RBFOX1: variants seen among roughly 807,000 people sequenced by gnomAD.
The protein encoded by RBFOX1 is RNA binding fox-1 homolog 1.
In RBFOX1, 8 loss-of-function variants were observed where a neutral mutation model predicts 57.7. That is an observed-to-expected ratio of 0.14 (90% CI 0.08 to 0.25). The LOEUF (loss-of-function observed/expected upper bound fraction) is 0.25, where lower values mean the gene tolerates loss of function less well. Ranked by LOEUF, RBFOX1 falls within the 10% of genes least tolerant of loss-of-function variation. The pLI is 1.00. For synonymous variants in RBFOX1, 326 were observed against 222.4 expected, an observed-to-expected ratio of 1.47 and a Z score of -4.15; for missense variants, 611 against 548.5, an observed-to-expected ratio of 1.11 and a Z score of -1.14.
chr16:7,596,104 G>T (rs764710648), intron 8 of RBFOX1, among the ~76,000 whole-genome samples: 117 of 86,958 alleles, frequency 1.3e-3, no homozygotes, highest in South Asian at 2.2e-3. Flanking sequence ...GTTTTTTTTT[G>T]TTTGTTTGTT....
intron 4 of RBFOX1, among the ~76,000 whole-genome samples, chr16:7,197,900 A>C (rs1044355102): frequency 6.6e-6 from 1 of 152,154 alleles, no homozygotes; most frequent in African/African-American, 2.4e-5. Context: ...GGGGGTTGCC[A>C]AGGGAGCAGG....
intron 4 of RBFOX1, among the ~76,000 whole-genome samples, chr16:7,377,778 C>G (rs746239671): frequency 1.3e-5 from 2 of 152,158 alleles, no homozygotes; most frequent in Admixed American, 6.5e-5. Context: ...TGTCTCAGAA[C>G]TTAAATTTAG....
At chr16:5,615,289 C>A (rs927539892) in intron 3 of RBFOX1, among the ~76,000 whole-genome samples, 1 of 152,120 alleles carries the variant, frequency 6.6e-6, no homozygotes, top group African/African-American at 2.4e-5. Flanking sequence ...CCTTGGCCTC[C>A]CAAAGCACTG....
chr16:6,878,870 C>T (rs2062355425), intron 3 of RBFOX1, among the ~76,000 whole-genome samples: 2 of 139,680 alleles, frequency 1.4e-5, no homozygotes, highest in African/African-American at 2.8e-5. Context: ...AAATTAACAG[C>T]TAATCTTTGA....
At chr16:7,469,625 G>A (rs886339187) in intron 4 of RBFOX1, among the ~76,000 whole-genome samples, 5 of 152,098 alleles carry the variant, frequency 3.3e-5, no homozygotes, top group Admixed American at 6.5e-5. Context: ...CCCACACTCC[G>A]TTTCCTCTCT....
chr16:7,370,481 G>A (rs181635769), intron 4 of RBFOX1, among the ~76,000 whole-genome samples: 5 of 152,182 alleles, frequency 3.3e-5, no homozygotes, highest in East Asian at 1.9e-4. Flanking sequence ...TTTTATCAAC[G>A]CGGGTAAGTT....
chr16:6,996,008 A>T (rs1004305118), intron 3 of RBFOX1, among the ~76,000 whole-genome samples: 1 of 152,208 alleles, frequency 6.6e-6, no homozygotes, highest in Non-Finnish European at 1.5e-5. Flanking sequence ...ATAGCATACA[A>T]ATCTAAACTT....
In RBFOX1 at chr16:7,501,092, T is replaced by A. The variant is rs150934914; in HGVS notation, c.28-17055T>A. ...ACTGTGAGTCAACCTCTTTCCTTTA[T>A]AAATTACCCAGCCTCAGATATGTCT... On this transcript the variant is annotated intron_variant, in intron 4 of 15. Coordinates refer to ENST00000550418, the MANE Select transcript of RBFOX1 (RefSeq NM_018723.4). 1.6e-3 allele frequency among the ~76,000 whole-genome samples: 243 copies of A among 152,342 alleles called. 1 individual carries two copies. The highest frequency in any genetic ancestry group is 5.5e-3 in the African/African-American group (230 of 41,584).
rs74003850 is a variant in RBFOX1, at chr16:5,243,555, A to G, written c.219+3450A>G. Among the ~76,000 whole-genome samples, 652 of 152,274 alleles carry G rather than the reference A, an allele frequency of 4.3e-3. 6 individuals are homozygous for G. Among genetic ancestry groups the G allele is most frequent in the African/African-American group, 0.015 (618 of 41,550 alleles). On this transcript the variant is annotated intron_variant, in intron 1 of 2. Transcript: ENST00000585867. ...ATGGTTAGCGGCATCTGTGGTCTCC[A>G]TCCTCTAGGTGCCATTCCCCCCTCC...
At chr16:7,055,061 A>G (rs2051660605) in intron 4 of RBFOX1, among the ~76,000 whole-genome samples, 1 of 152,192 alleles carries the variant, frequency 6.6e-6, no homozygotes, top group South Asian at 2.1e-4. Flanking sequence ...GAAGTGCTTA[A>G]TATCTTGAAG....
intron 1 of RBFOX1, among the ~76,000 whole-genome samples, chr16:6,148,711 G>T (rs1259508140): frequency 2.0e-5 from 3 of 152,206 alleles, no homozygotes; most frequent in African/African-American, 7.2e-5. Flanking sequence ...AAGCTGGAGA[G>T]ATCCAGAGTA....
At chr16:6,500,789 A>G (rs1240011348) in intron 2 of RBFOX1, among the ~76,000 whole-genome samples, 1 of 151,840 alleles carries the variant, frequency 6.6e-6, no homozygotes, top group Non-Finnish European at 1.5e-5. Context: ...ACCAACTGTG[A>G]TATGTGTGCA....
chr16:5,459,201 C>T (rs1367255266), intron 1 of RBFOX1, among the ~76,000 whole-genome samples: 1 of 152,240 alleles, frequency 6.6e-6, no homozygotes, highest in Non-Finnish European at 1.5e-5. Context: ...TGTGGACATG[C>T]ATTGGCATGT....
intron 2 of RBFOX1, among the ~76,000 whole-genome samples, chr16:6,324,739 A>G (rs2082182757): frequency 6.6e-6 from 1 of 152,184 alleles, no homozygotes; most frequent in Non-Finnish European, 1.5e-5. Context: ...TCTATATCAA[A>G]TGGTCTTTAA....
chr16:7,361,214 G>A (rs1596432476), intron 4 of RBFOX1, among the ~76,000 whole-genome samples: 1 of 152,116 alleles, frequency 6.6e-6, no homozygotes, highest in African/African-American at 2.4e-5. Flanking sequence ...TTCGTTTTAT[G>A]CAGGTTCTGG....
chr16:6,799,760 C>G (rs74007062), intron 3 of RBFOX1, among the ~76,000 whole-genome samples: 9,483 of 152,092 alleles, frequency 0.062, 996 homozygotes, highest in African/African-American at 0.21. Context: ...CCTCCAGGTT[C>G]TTTAGCCTTT....
intron 1 of RBFOX1, among the ~76,000 whole-genome samples, chr16:5,423,611 G>T (rs966923480): frequency 6.6e-6 from 1 of 152,188 alleles, no homozygotes; most frequent in Admixed American, 6.5e-5. Flanking sequence ...CTGCCTGTCT[G>T]TGAGCAGGGG....
intron 1 of RBFOX1, among the ~76,000 whole-genome samples, chr16:6,311,396 C>G (rs889508982): frequency 6.6e-6 from 1 of 151,250 alleles, no homozygotes; most frequent in Non-Finnish European, 1.5e-5. Flanking sequence ...ATGAATCTCT[C>G]TTTGGGGAAC....
intron 5 of RBFOX1, among the ~76,000 whole-genome samples, chr16:7,552,318 C>T (rs561861395): frequency 7.3e-4 from 111 of 152,222 alleles, no homozygotes; most frequent in Non-Finnish European, 1.2e-3. Context: ...TCCATAGACT[C>T]CATCAATTTC....
Sources: allele counts gnomAD v4.1 joint callset (sites outside exome capture counted in the v4.1 genomes callset), GRCh38; gene constraint gnomAD v4.1.1; transcripts MANE v1.5; gene names NCBI Gene and HGNC (gene_info 2026-07-23, HGNC 2026-07-21).